The following ACACA variants were observed in gnomAD, a reference collection of about 807,000 sequenced individuals.
ACACA encodes acetyl-CoA carboxylase alpha, also known as acetyl-CoA carboxylase 1.
ACACA carries 103 observed loss-of-function variants against 296.1 expected under a neutral mutation model. The ratio of observed to expected loss-of-function variants is 0.35; its 90% CI spans 0.30 to 0.41. The LOEUF (loss-of-function observed/expected upper bound fraction) is 0.41, where lower values mean the gene tolerates loss of function less well. ACACA is among the 10% of genes least tolerant of loss of function. The pLI, the probability that ACACA is intolerant of heterozygous loss-of-function variation, is 1.00. For missense variants in ACACA, 1,554 were observed against 2,989.7 expected, an observed-to-expected ratio of 0.52 and a Z score of 11.20; for synonymous variants, 953 against 1,038.6, an observed-to-expected ratio of 0.92 and a Z score of 1.58.
intron 1 of ACACA, among the ~76,000 whole-genome samples, chr17:37,351,148 T>C (rs547701792): frequency 4.0e-5 from 6 of 150,800 alleles, no homozygotes; most frequent in Non-Finnish European, 8.9e-5. Flanking sequence ...AAAAATAAAA[T>C]AAAATAAAAT....
At position 37,221,825 on chromosome 17, in the gene ACACA, A is replaced by G; in HGVS notation, c.3582T>C (p.Ala1194=). 1 of 1,613,956 alleles carries G rather than the reference A, an allele frequency of 6.2e-7. No homozygotes were observed. The change falls in exon 29 of 56, where the codon GCT becomes GCC. Residue 1194 remains alanine, a synonymous_variant. Coordinates refer to ENST00000616317, the MANE Select transcript of ACACA (RefSeq NM_198834.3). Reference sequence around the variant, plus strand: ...CGCTGTTAAGTTCATAGGCAATATAAGCCCTTCGAACATACACCTGGTTCA... The same window carrying G: ...CGCTGTTAAGTTCATAGGCAATATAGGCCCTTCGAACATACACCTGGTTCA... ...MAALEVYVRR[A]YIAYELNSVQ...
intron 1 of ACACA, among the ~76,000 whole-genome samples, chr17:37,363,179 C>CTTTTTT (rs902746004): frequency 0.021 from 1,539 of 72,806 alleles, 8 homozygotes; most frequent in Middle Eastern, 0.037. Flanking sequence ...TTCTCTTTTT[C>CTTTTTT]TTTTTTTTTT....
chr17:37,274,883 G>A (rs902577450), intron 8 of ACACA, among the ~76,000 whole-genome samples: 23 of 151,882 alleles, frequency 1.5e-4, no homozygotes, highest in Non-Finnish European at 2.2e-4. Flanking sequence ...TGGAGAGCCA[G>A]AGTAACAAGG....
At chr17:37,298,236 T>TG (rs2083449468) in intron 3 of ACACA, among the ~76,000 whole-genome samples, 2 of 152,198 alleles carry the variant, frequency 1.3e-5, no homozygotes, top group Admixed American at 1.3e-4. Flanking sequence ...CAGAGGCAGT[T>TG]GGGGGAAAAA....
Position 37,162,176 on chromosome 17 carries a change from C to A in ACACA, c.5080-126G>T, listed in dbSNP as rs144797813. 497 of 1,010,686 alleles carry A rather than the reference C, an allele frequency of 4.9e-4. No individual in the cohort carries two copies. The African/African-American group carries it at 6.8e-3, about 14-fold the overall frequency. The allele number at this position is 1,010,686 out of a possible 1,614,324, so 62.6% of individuals were successfully genotyped here. ...TGTAAAGATACACATTGCTAAAGAG[C>A]CAAACTCCCTGTGGGAAACTACAAA... On this transcript the variant is annotated intron_variant, in intron 41 of 55. Transcript: ENST00000616317.
intron 8 of ACACA, chr17:37,274,591 A>C: frequency 1.0e-6 from 1 of 976,044 alleles, no homozygotes; most frequent in Non-Finnish European, 1.2e-6. Flanking sequence ...AACATAGCAT[A>C]CTTCTCACAG....
At chr17:37,332,043 C>A (rs555405238) in intron 2 of ACACA, among the ~76,000 whole-genome samples, 1 of 151,852 alleles carries the variant, frequency 6.6e-6, no homozygotes, top group African/African-American at 2.4e-5. Context: ...AATTTAAAAT[C>A]TATAATCACC....
chr17:37,284,735 T>C (rs2082692076), intron 4 of ACACA, 103 bp downstream of exon 4: 1 of 1,518,920 alleles, frequency 6.6e-7, no homozygotes, highest in East Asian at 2.3e-5. Context: ...GCAAAGCCTC[T>C]GAGAAACTAA....
intron 1 of ACACA, among the ~76,000 whole-genome samples, chr17:37,359,436 G>C (rs1050593439): frequency 6.7e-6 from 1 of 148,202 alleles, no homozygotes; most frequent in Non-Finnish European, 1.5e-5. Context: ...GGCCGCGGGC[G>C]GGCCCTGGGC....
chr17:37,224,733 GAT>G lies in ACACA; in HGVS notation c.3474+257_3474+258del, dbSNP rs1234052210. Among the ~76,000 whole-genome samples, 3 of 151,672 alleles carry G rather than the reference GAT, an allele frequency of 2.0e-5. No homozygotes were observed. The East Asian group carries it at 5.8e-4, about 29-fold the overall frequency. On this transcript the variant is annotated intron_variant, in intron 27 of 55. Coordinates refer to ENST00000616317, the MANE Select transcript of ACACA (RefSeq NM_198834.3). ...GAATACTTTCTAGGTAAAGTACAAA[GAT>G]AAAGACTTCAATAGGACACTTCTAT...
chr17:37,330,970 T>C (rs2047849989), intron 2 of ACACA, among the ~76,000 whole-genome samples: 1 of 152,126 alleles, frequency 6.6e-6, no homozygotes, highest in Non-Finnish European at 1.5e-5. Flanking sequence ...CATGCAGTAC[T>C]ACAATCATGG....
At chr17:37,355,070 C>T (rs570821849) in intron 1 of ACACA, among the ~76,000 whole-genome samples, 1 of 151,474 alleles carries the variant, frequency 6.6e-6, no homozygotes, top group Admixed American at 6.6e-5. Context: ...ATGGTGAAAC[C>T]CCATCTCTAT....
intron 1 of ACACA, among the ~76,000 whole-genome samples, chr17:37,402,371 G>A (rs536403027): frequency 6.6e-6 from 1 of 152,034 alleles, no homozygotes; most frequent in South Asian, 2.1e-4. Flanking sequence ...GAGAAATGAA[G>A]GTATGTCCAC....
intron 45 of ACACA, 93 bp downstream of exon 45, chr17:37,149,770 GA>G: frequency 8.9e-7 from 1 of 1,123,068 alleles, no homozygotes; most frequent in South Asian, 1.2e-5. Flanking sequence ...GGCACGGATT[GA>G]ACTGCTTCCT....
rs373649291 is a variant in ACACA at position 37,246,904 on chromosome 17, A to C, written c.2382T>G (p.Pro794=). The C allele has an allele frequency of 2.2e-5, 36 of 1,614,040 alleles. No individual in the cohort carries two copies. The highest frequency in any genetic ancestry group is 2.5e-5 in the Non-Finnish European group (29 of 1,180,004). Residue 794 remains proline (P), a synonymous_variant, in exon 19 of 56, where the codon CCT becomes CCG. Coordinates refer to ENST00000616317, the MANE Select transcript of ACACA (RefSeq NM_198834.3). ...KENDPSVMRS[P]SAGKLIQYIV... The stretch of plus-strand genomic sequence containing the variant: ...TGTACTGGATTAACTTCCCAGCAGA[A>C]GGTGAGCGCATCACCGATGGGTCAT...
chr17:37,204,925 G>A (rs2078428187), intron 33 of ACACA, among the ~76,000 whole-genome samples: 1 of 152,186 alleles, frequency 6.6e-6, no homozygotes. Flanking sequence ...TTGTGGTGAT[G>A]AGCAGAATGG....
At chr17:37,287,756 CA>C (rs35341859) in intron 3 of ACACA, among the ~76,000 whole-genome samples, 136 of 123,264 alleles carry the variant, frequency 1.1e-3, no homozygotes, top group African/African-American at 1.5e-3. Context: ...AACAAAAAGA[CA>C]AAAAAAAAAA....
At chr17:37,194,470 C>T (rs2077898842) in intron 35 of ACACA, among the ~76,000 whole-genome samples, 1 of 152,150 alleles carries the variant, frequency 6.6e-6, no homozygotes, top group Non-Finnish European at 1.5e-5. Context: ...CTCAGAATCA[C>T]AGAGCTGGAA....
chr17:37,136,368 G>A (rs765315534), intron 45 of ACACA, among the ~76,000 whole-genome samples: 2 of 152,144 alleles, frequency 1.3e-5, no homozygotes, highest in Non-Finnish European at 2.9e-5. Context: ...CCTCATTCAT[G>A]CTGATGCAGG....
Sources: allele counts gnomAD v4.1 joint callset (sites outside exome capture counted in the v4.1 genomes callset), GRCh38; gene constraint gnomAD v4.1.1; transcripts MANE v1.5; gene names NCBI Gene and HGNC (gene_info 2026-07-23, HGNC 2026-07-21).